Variants in CCNH observed in about 807,000 individuals in gnomAD.
CCNH encodes cyclin H.
A neutral mutation model predicts 41.9 loss-of-function variants in CCNH; 31 were observed. The observed-to-expected ratio is 0.74, with a 90% CI of 0.56 to 1.00. The LOEUF (loss-of-function observed/expected upper bound fraction) is 1.00. CCNH is among the 50% of genes least tolerant of loss of function. CCNH has a pLI of 0.00. For missense variants in CCNH, 362 were observed against 388.4 expected (o/e 0.93, Z 0.57); for synonymous variants, 138 against 136.1 (o/e 1.01, Z -0.10).
At chr5:87,362,190 T>C (rs193216646) in intron 9 of CCNH, among the ~76,000 whole-genome samples, 1 of 152,372 alleles carries the variant, frequency 6.6e-6, no homozygotes, top group Non-Finnish European at 1.5e-5. Flanking sequence ...TATGCTTACA[T>C]TGGTTCCTAA....
downstream of CCNH, chr5:87,389,610 C>A: frequency 6.5e-7 from 1 of 1,534,934 alleles, no homozygotes; most frequent in Non-Finnish European, 9.0e-7. Context: ...TTCTGGTTAA[C>A]ATTTTTATCT....
At chr5:87,341,614 ATTATTCATAGTATTTCTTGG>A (rs1460535630) in intron 9 of CCNH, among the ~76,000 whole-genome samples, 1 of 152,142 alleles carries the variant, frequency 6.6e-6, no homozygotes, top group African/African-American at 2.4e-5. Flanking sequence ...ACATTTTAAA[ATTATTCATAGTATTTCTTGG>A]TTATTCATAG....
At chr5:87,321,013 G>C (rs886498664) in intron 9 of CCNH, among the ~76,000 whole-genome samples, 2 of 152,198 alleles carry the variant, frequency 1.3e-5, no homozygotes, top group African/African-American at 2.4e-5. Flanking sequence ...TGAGCTATTA[G>C]AGTGAAATGA....
chr5:87,368,405 C>A (rs1359897668), intron 9 of CCNH, among the ~76,000 whole-genome samples: 1 of 152,094 alleles, frequency 6.6e-6, no homozygotes, highest in African/African-American at 2.4e-5. Context: ...TCAGTATCTG[C>A]ATTATATGTA....
At chr5:87,337,857 T>TA in intron 9 of CCNH, 2 of 1,133,630 alleles carry the variant, frequency 1.8e-6, no homozygotes, top group Non-Finnish European at 2.4e-6. Flanking sequence ...TGTTTGACTC[T>TA]AATTCCTTAC....
chr5:87,404,576 C>A (rs1763648488), intron 5 of CCNH, among the ~76,000 whole-genome samples: 1 of 152,350 alleles, frequency 6.6e-6, no homozygotes. Context: ...CACCAGTTCA[C>A]AGGAACTTCT....
At position 87,376,414 on chromosome 5, in the gene CCNH, G is replaced by A. The variant is rs192308897; in HGVS notation, n.767C>T. On this transcript the variant is annotated non_coding_transcript_exon_variant, in exon 1 of 1. Transcript: ENST00000607486. The stretch of plus-strand genomic sequence containing the variant: ...CAAGTATTTATGCGCTGCCAGTTGA[G>A]CCGATTACAGAAAGGGCATGCCACA... The A allele has an allele frequency of 2.5e-5, 40 of 1,613,962 alleles. No individual in the cohort carries two copies. In the Admixed American group the frequency reaches 6.7e-4, roughly 27 times the overall value.
intron 9 of CCNH, among the ~76,000 whole-genome samples, chr5:87,365,572 CAT>C (rs1760453298): frequency 6.6e-6 from 1 of 151,928 alleles, no homozygotes; most frequent in African/African-American, 2.4e-5. Flanking sequence ...TTGAAAAGAA[CAT>C]AATGAATTTG....
chr5:87,400,749 T>C (rs1055518412), intron 6 of CCNH, among the ~76,000 whole-genome samples: 2 of 152,174 alleles, frequency 1.3e-5, no homozygotes, highest in Non-Finnish European at 2.9e-5. Context: ...TTAATTACAA[T>C]ACACATTTAA....
intron 9 of CCNH, chr5:87,383,859 C>A: frequency 4.5e-4 from 407 of 897,370 alleles, no homozygotes; most frequent in Non-Finnish European, 6.2e-4. Flanking sequence ...ACTCTTAAAT[C>A]TTTTTTTTTT....
intron 7 of CCNH, among the ~76,000 whole-genome samples, chr5:87,398,683 C>T (rs1192188693): frequency 6.6e-6 from 1 of 152,114 alleles, no homozygotes; most frequent in Admixed American, 6.5e-5. Context: ...GCCTCTTTTC[C>T]TATTGGCTTT....
intron 9 of CCNH, among the ~76,000 whole-genome samples, chr5:87,349,044 G>GT (rs1239952514): frequency 2.6e-5 from 4 of 151,752 alleles, no homozygotes; most frequent in South Asian, 4.2e-4. Flanking sequence ...GTGGATGGTT[G>GT]TGAATCATAA....
chr5:87,391,550 G>A (rs1468628529), downstream of CCNH: 1 of 237,448 alleles, frequency 4.2e-6, no homozygotes, highest in Non-Finnish European at 8.3e-6. Flanking sequence ...AATTGTCAAA[G>A]ACTGTATTTA....
At chr5:87,384,197 C>G (rs1336354997) in intron 9 of CCNH, among the ~76,000 whole-genome samples, 1 of 152,098 alleles carries the variant, frequency 6.6e-6, no homozygotes, top group African/African-American at 2.4e-5. Flanking sequence ...TCTGTGAGTA[C>G]TTATGAAGAA....
downstream of CCNH, chr5:87,389,322 ACT>A (rs1464017118): frequency 1.5e-5 from 23 of 1,584,298 alleles, no homozygotes; most frequent in South Asian, 5.5e-5. Context: ...CAAGAGCGAA[ACT>A]CTGTCTCAAA....
chr5:87,341,218 T>C (rs1758416764), intron 9 of CCNH: 1 of 915,010 alleles, frequency 1.1e-6, no homozygotes, highest in Non-Finnish European at 1.5e-6. Flanking sequence ...GCAGATACGA[T>C]TTTCATGAAT....
At chr5:87,343,355 T>C (rs1242443934) in intron 9 of CCNH, among the ~76,000 whole-genome samples, 1 of 152,200 alleles carries the variant, frequency 6.6e-6, no homozygotes, top group Non-Finnish European at 1.5e-5. Context: ...AACCTCCAAG[T>C]TGATCTCCCT....
chr5:87,323,285 C>T (rs1756960730), intron 9 of CCNH, among the ~76,000 whole-genome samples: 1 of 151,998 alleles, frequency 6.6e-6, no homozygotes, highest in African/African-American at 2.4e-5. Context: ...AAAACTAATG[C>T]CTTAAAACAT....
chr5:87,394,918 T>C (rs1762801599), intron 8 of CCNH, 126 bp downstream of exon 8: 2 of 1,537,834 alleles, frequency 1.3e-6, no homozygotes, highest in South Asian at 1.3e-5. Flanking sequence ...TAAGGAAGTA[T>C]GCAAAAAATG....
Sources: gnomAD v4.1 joint callset for allele counts (sites outside exome capture counted in the v4.1 genomes callset) on GRCh38, gnomAD v4.1.1 for gene constraint, MANE v1.5 for transcripts, NCBI Gene and HGNC (gene_info 2026-07-23, HGNC 2026-07-21) for gene names.